Variants in MYO3B observed in about 807,000 individuals in gnomAD.
The protein encoded by MYO3B is myosin-IIIb.
Under a neutral mutation model 174.6 loss-of-function variants are expected in MYO3B, and 156 were observed. The ratio of observed to expected loss-of-function variants is 0.89; its 90% CI spans 0.78 to 1.02. The LOEUF is 1.02. MYO3B is among the 50% of genes least tolerant of loss of function. The pLI is 0.00. For synonymous variants in MYO3B, 563 were observed against 569.1 expected (o/e 0.99, Z 0.15); for missense variants, 1,632 against 1,639.4 (o/e 1.00, Z 0.08).
chr2:170,387,146 AC>A lies in MYO3B; in HGVS notation c.1416del (p.Ser473ProfsTer26), dbSNP rs768026365. 1 of 1,614,014 alleles carries A rather than the reference AC, an allele frequency of 6.2e-7. No individual in the cohort carries two copies. Among genetic ancestry groups the A allele is most frequent in the Admixed American group, 1.7e-5 (1 of 60,000 alleles). ...QTLREKILQVNSLVEAFGNSC... is the reference protein window; with the variant it reads ...QTLREKILQVXSLVEAFGNSC... The stretch of plus-strand genomic sequence containing the variant: ...TTGAGAGAGAAAATTCTACAAGTCA[AC>A]TCCCTGGTGGAAGCCTTTGGGAACT... On this transcript the variant is annotated frameshift_variant, in exon 14 of 35. Coordinates refer to ENST00000408978, the MANE Select transcript of MYO3B (RefSeq NM_138995.5). LOFTEE classifies it high-confidence loss of function.
intron 3 of MYO3B, among the ~76,000 whole-genome samples, chr2:170,203,134 A>C (rs1452640499): frequency 6.6e-6 from 1 of 152,324 alleles, no homozygotes; most frequent in East Asian, 1.9e-4. Context: ...GTGAATATTA[A>C]ATTTTTAAAA....
intron 3 of MYO3B, among the ~76,000 whole-genome samples, chr2:170,209,078 G>A (rs1250182087): frequency 6.6e-6 from 1 of 152,154 alleles, no homozygotes; most frequent in African/African-American, 2.4e-5. Flanking sequence ...TTCCCAAGGG[G>A]CTTTTAGCAG....
chr2:170,611,194 T>A (rs1334755625), intron 32 of MYO3B, among the ~76,000 whole-genome samples: 1 of 152,194 alleles, frequency 6.6e-6, no homozygotes, highest in African/African-American at 2.4e-5. Context: ...GGGCACCACC[T>A]AGATCCTTAT....
At chr2:170,426,079 A>ATT (rs34098665) in intron 22 of MYO3B, among the ~76,000 whole-genome samples, 47,309 of 148,028 alleles carry the variant, frequency 0.32, 8,566 homozygotes, top group Non-Finnish European at 0.41. Context: ...TTAATCTCTG[A>ATT]TTTTTTTTTT....
chr2:170,186,204 A>G (rs1232365622), intron 1 of MYO3B, among the ~76,000 whole-genome samples: 1 of 152,162 alleles, frequency 6.6e-6, no homozygotes, highest in Non-Finnish European at 1.5e-5. Flanking sequence ...TCCTTGTCAT[A>G]TTCCAGATAT....
chr2:170,416,746 A>T (rs1246282738), intron 22 of MYO3B, among the ~76,000 whole-genome samples: 5 of 149,546 alleles, frequency 3.3e-5, no homozygotes, highest in Non-Finnish European at 5.9e-5. Flanking sequence ...AGGTATTCCA[A>T]GCCTTTTCCT....
chr2:170,278,009 G>C (rs1271781679), intron 7 of MYO3B, among the ~76,000 whole-genome samples: 1 of 152,156 alleles, frequency 6.6e-6, no homozygotes, highest in African/African-American at 2.4e-5. Context: ...TTCAATGCCT[G>C]TTTATTGCTG....
intron 2 of MYO3B, 139 bp from the exon 3 acceptor site, chr2:170,200,011 T>G: frequency 1.6e-6 from 1 of 643,980 alleles, no homozygotes; most frequent in South Asian, 3.0e-5. Context: ...TGTCCATTGT[T>G]AGATATTTTG....
rs770656784 is a variant in MYO3B, at chr2:170,625,473, T to TATCA, written c.3734-26152_3734-26149dup. On this transcript the variant is annotated intron_variant, in intron 32 of 34. Coordinates refer to ENST00000408978, the MANE Select transcript of MYO3B (RefSeq NM_138995.5). ...TTCTTCATTAGTCTTGCTAGCAGTC[T>TATCA]ATCAATTTTGTTGATCTTTTCAAAA... Among the ~76,000 whole-genome samples, 6 of 152,242 alleles carry TATCA rather than the reference T, an allele frequency of 3.9e-5. No individual in the cohort carries two copies. The East Asian group carries it at 5.8e-4, about 15-fold the overall frequency.
At chr2:170,353,465 T>C (rs537173007) in intron 8 of MYO3B, among the ~76,000 whole-genome samples, 11 of 152,348 alleles carry the variant, frequency 7.2e-5, no homozygotes, top group African/African-American at 2.6e-4. Context: ...GAAAATACTC[T>C]GTATAATACT....
chr2:170,574,112 G>A (rs534598947), intron 32 of MYO3B, among the ~76,000 whole-genome samples: 1 of 152,234 alleles, frequency 6.6e-6, no homozygotes, highest in South Asian at 2.1e-4. Flanking sequence ...TTAATAGAAT[G>A]TGCATATATT....
At chr2:170,372,531 C>T (rs539227210) in intron 9 of MYO3B, among the ~76,000 whole-genome samples, 1 of 152,124 alleles carries the variant, frequency 6.6e-6, no homozygotes, top group African/African-American at 2.4e-5. Flanking sequence ...ATTCAAGAGG[C>T]ATTTATACAT....
chr2:170,288,103 CG>C (rs1292608456), intron 7 of MYO3B, among the ~76,000 whole-genome samples: 1 of 152,040 alleles, frequency 6.6e-6, no homozygotes, highest in Non-Finnish European at 1.5e-5. Flanking sequence ...ATGCCAGTAC[CG>C]TACTGTTTTG....
intron 25 of MYO3B, among the ~76,000 whole-genome samples, chr2:170,482,008 T>C (rs1052158424): frequency 1.3e-5 from 2 of 152,204 alleles, no homozygotes; most frequent in African/African-American, 4.8e-5. Flanking sequence ...CCAAGTCTCA[T>C]CTTGAATTCC....
At chr2:170,250,648 C>T (rs1288882735) in intron 7 of MYO3B, among the ~76,000 whole-genome samples, 2 of 152,156 alleles carry the variant, frequency 1.3e-5, no homozygotes. Flanking sequence ...GGGTAGAGGG[C>T]CAGTGTGACA....
rs140264699 is a variant in MYO3B at position 170,288,191 on chromosome 2, A to AT, written c.750-47191dup. ...GCTTCGCTCTTTTTGCTCAGGACTG[A>AT]TTTGTCTTTTTGGGGTCTTTTGTGG... On this transcript the variant is annotated intron_variant, in intron 7 of 34. Coordinates refer to ENST00000408978, the MANE Select transcript of MYO3B (RefSeq NM_138995.5). 9.2e-3 allele frequency among the ~76,000 whole-genome samples: 1,360 copies of AT among 148,532 alleles called. 21 individuals are homozygous for AT. The highest frequency in any genetic ancestry group is 0.032 in the African/African-American group (1,281 of 40,554).
In MYO3B at chr2:170,335,435, A is replaced by G. The variant is rs34509373; in HGVS notation, c.800A>G (p.Asn267Ser). 1,136 of 1,612,286 alleles carry G rather than the reference A, an allele frequency of 7.0e-4. 2 individuals carry two copies. Among genetic ancestry groups the G allele is most frequent in the Non-Finnish European group, 9.3e-4 (1,093 of 1,179,054 alleles). The change falls in exon 8 of 35, where the codon AAC (asparagine) becomes AGC (serine). Residue 267 changes from asparagine (N) to serine (S), a missense_variant. Transcript: ENST00000408978. ...LHPEKWCEEF[N>S]HFISQCLIKD... is the part of the protein sequence containing the mutation. ...CCAGAAAAATGGTGTGAAGAATTCA[A>G]CCACTTTATTTCACAGTGAGTATTT...
chr2:170,184,619 G>T (rs2092441161), intron 1 of MYO3B, among the ~76,000 whole-genome samples: 1 of 152,040 alleles, frequency 6.6e-6, no homozygotes, highest in African/African-American at 2.4e-5. Flanking sequence ...TGCAAATCTT[G>T]GCTATTGTGA....
intron 23 of MYO3B, among the ~76,000 whole-genome samples, chr2:170,461,241 G>A (rs545386530): frequency 3.9e-5 from 6 of 152,046 alleles, no homozygotes; most frequent in East Asian, 1.9e-4. Context: ...TTGGGAGGCC[G>A]AGGCGGGTGG....
Sources: allele counts gnomAD v4.1 joint callset (sites outside exome capture counted in the v4.1 genomes callset), GRCh38; gene constraint gnomAD v4.1.1; transcripts MANE v1.5; gene names NCBI Gene and HGNC (gene_info 2026-07-23, HGNC 2026-07-21).